Variants in PALLD observed in about 807,000 individuals in gnomAD.
PALLD encodes palladin.
A neutral mutation model predicts 123.5 loss-of-function variants in PALLD; 61 were observed. The ratio of observed to expected loss-of-function variants is 0.49; its 90% CI spans 0.40 to 0.61. The LOEUF (loss-of-function observed/expected upper bound fraction) is 0.61, where lower values mean the gene tolerates loss of function less well. PALLD is among the 20% of genes least tolerant of loss of function. The pLI is 0.00. For missense variants in PALLD, 1,273 were observed against 1,377.0 expected (o/e 0.92, Z 1.20); for synonymous variants, 465 against 496.4 (o/e 0.94, Z 0.84).
intron 1 of PALLD, among the ~76,000 whole-genome samples, chr4:168,502,613 T>G (rs1986996): frequency 6.6e-6 from 1 of 151,980 alleles, no homozygotes; most frequent in Non-Finnish European, 1.5e-5. Flanking sequence ...AGCAGAATAA[T>G]GTTTAGCTGC....
intron 16 of PALLD, 73 bp downstream of exon 16, chr4:168,914,094 C>A: frequency 1.1e-6 from 1 of 912,274 alleles, no homozygotes; most frequent in Non-Finnish European, 1.8e-6. Flanking sequence ...CTATTAGAAT[C>A]ATCATATGAC....
At chr4:168,837,095 A>G (rs1745309849) in intron 10 of PALLD, among the ~76,000 whole-genome samples, 2 of 152,202 alleles carry the variant, frequency 1.3e-5, no homozygotes, top group Non-Finnish European at 2.9e-5. Context: ...TCCTCATGCT[A>G]ACAGAGACCC....
intron 10 of PALLD, among the ~76,000 whole-genome samples, chr4:168,715,490 A>C (rs1785260367): frequency 6.6e-6 from 1 of 152,262 alleles, no homozygotes; most frequent in Non-Finnish European, 1.5e-5. Flanking sequence ...TGCTTAAGTC[A>C]TAATCTTAAC....
At chr4:168,762,211 C>T (rs138750567) in intron 10 of PALLD, among the ~76,000 whole-genome samples, 241 of 151,426 alleles carry the variant, frequency 1.6e-3, no homozygotes, top group African/African-American at 5.3e-3. Flanking sequence ...CAGTGGCTCA[C>T]ACTTGTAATC....
chr4:168,741,734 G>A (rs1321653310), intron 10 of PALLD, among the ~76,000 whole-genome samples: 1 of 152,100 alleles, frequency 6.6e-6, no homozygotes, highest in Non-Finnish European at 1.5e-5. Flanking sequence ...GAGAGAGAAA[G>A]AGGAAAATAA....
intron 2 of PALLD, among the ~76,000 whole-genome samples, chr4:168,533,916 G>A (rs1219284777): frequency 6.6e-6 from 1 of 152,162 alleles, no homozygotes; most frequent in Non-Finnish European, 1.5e-5. Context: ...AGAAGGAAGA[G>A]TTGAAATGCA....
At chr4:168,617,290 G>C (rs541240946) in intron 2 of PALLD, among the ~76,000 whole-genome samples, 63 of 152,272 alleles carry the variant, frequency 4.1e-4, no homozygotes, top group Non-Finnish European at 8.1e-4. Context: ...GAGTAGGGTA[G>C]ACGGTATGTG....
At chr4:168,651,622 G>A (rs1778051779) in intron 2 of PALLD, among the ~76,000 whole-genome samples, 1 of 151,972 alleles carries the variant, frequency 6.6e-6, no homozygotes, top group Admixed American at 6.6e-5. Flanking sequence ...TCACTGGCCA[G>A]AAAACCTCTA....
chr4:168,571,488 C>A (rs909525442), intron 2 of PALLD, among the ~76,000 whole-genome samples: 9 of 152,112 alleles, frequency 5.9e-5, no homozygotes, highest in Non-Finnish European at 1.3e-4. Context: ...ACTTATCAAC[C>A]ATTCAATTAG....
chr4:168,841,530 T>C (rs13121691), intron 10 of PALLD, among the ~76,000 whole-genome samples: 9,706 of 152,270 alleles, frequency 0.064, 414 homozygotes, highest in Non-Finnish European at 0.1. Context: ...CCAGCTGCCC[T>C]GGGCTGGCAG....
chr4:168,577,772 A>G (rs1411037968), intron 2 of PALLD, among the ~76,000 whole-genome samples: 2 of 148,126 alleles, frequency 1.4e-5, no homozygotes, highest in Non-Finnish European at 2.9e-5. Flanking sequence ...ATTACGCAAA[A>G]GAGGCCACCA....
chr4:168,569,242 T>C (rs1768726509), intron 2 of PALLD, among the ~76,000 whole-genome samples: 1 of 152,114 alleles, frequency 6.6e-6, no homozygotes, highest in African/African-American at 2.4e-5. Flanking sequence ...CCCCTCTACA[T>C]AGCAACTGGA....
intron 2 of PALLD, among the ~76,000 whole-genome samples, chr4:168,521,685 A>G (rs923655641): frequency 6.6e-6 from 1 of 152,226 alleles, no homozygotes. Flanking sequence ...ACAATGGTAT[A>G]GAGCCTATGG....
chr4:168,805,633 C>T (rs1740082236), intron 10 of PALLD, among the ~76,000 whole-genome samples: 1 of 152,060 alleles, frequency 6.6e-6, no homozygotes, highest in African/African-American at 2.4e-5. Flanking sequence ...CACCCCTAAA[C>T]TCGTACATGC....
chr4:168,821,596 C>A (rs62334340), intron 10 of PALLD, among the ~76,000 whole-genome samples: 29,289 of 151,934 alleles, frequency 0.19, 3,110 homozygotes, highest in South Asian at 0.29. Flanking sequence ...AAGTTTTAGG[C>A]CAGGTGCAGT....
chr4:168,890,318 G>A (rs1753972796), intron 10 of PALLD, among the ~76,000 whole-genome samples: 1 of 152,128 alleles, frequency 6.6e-6, no homozygotes, highest in South Asian at 2.1e-4. Flanking sequence ...AGACCTCCCA[G>A]AGCCCTCTTG....
chr4:168,858,276 T>G (rs1388253884), intron 10 of PALLD, among the ~76,000 whole-genome samples: 1 of 152,222 alleles, frequency 6.6e-6, no homozygotes, highest in African/African-American at 2.4e-5. Flanking sequence ...CATTTTTTCT[T>G]TAAGTTATAC....
At chr4:168,812,454 G>A (rs188903758) in intron 10 of PALLD, among the ~76,000 whole-genome samples, 608 of 152,342 alleles carry the variant, frequency 4.0e-3, no homozygotes, top group Non-Finnish European at 5.9e-3. Flanking sequence ...GATCTGCCTG[G>A]AGAGACAAGG....
rs566997573 is a variant in PALLD, at chr4:168,652,388, C to G, written c.909-15802C>G. Among the ~76,000 whole-genome samples, 12 of 152,340 alleles carry G rather than the reference C, an allele frequency of 7.9e-5. No individual in the cohort carries two copies. The South Asian group carries it at 2.5e-3, about 32-fold the overall frequency. ...GCGTTTTAAAAATCTCTTCAAAGCT[C>G]TCAAATGGGCCTTTGAAAAATTAAA... On this transcript the variant is annotated intron_variant, in intron 2 of 21. Coordinates refer to ENST00000505667, the MANE Select transcript of PALLD (RefSeq NM_001166108.2).
Sources: gnomAD v4.1 joint callset for allele counts (sites outside exome capture counted in the v4.1 genomes callset) on GRCh38, gnomAD v4.1.1 for gene constraint, MANE v1.5 for transcripts, NCBI Gene and HGNC (gene_info 2026-07-23, HGNC 2026-07-21) for gene names.